The following ECT2 variants were observed in gnomAD, a reference collection of about 807,000 sequenced individuals.
The protein encoded by ECT2 is protein ECT2.
Under a neutral mutation model 116.9 loss-of-function variants are expected in ECT2, and 61 were observed. The ratio of observed to expected loss-of-function variants is 0.52; its 90% CI spans 0.42 to 0.65. The LOEUF (loss-of-function observed/expected upper bound fraction) is 0.65. Among genes scored for constraint, ECT2 ranks in the 30% least tolerant of loss-of-function variants. ECT2 has a pLI of 0.00. For synonymous variants in ECT2, 358 were observed against 346.4 expected, an observed-to-expected ratio of 1.03 and a Z score of -0.37; for missense variants, 937 against 1,078.7, an observed-to-expected ratio of 0.87 and a Z score of 1.84.
intron 4 of ECT2, among the ~76,000 whole-genome samples, chr3:172,756,442 T>C (rs1053336578): frequency 6.6e-6 from 1 of 152,190 alleles, no homozygotes; most frequent in Non-Finnish European, 1.5e-5. Context: ...CTGCTACATA[T>C]TGCACATCTT....
intron 12 of ECT2, among the ~76,000 whole-genome samples, 191 bp downstream of exon 12, chr3:172,764,691 C>A (rs1430470946): frequency 6.6e-6 from 1 of 152,180 alleles, no homozygotes; most frequent in African/African-American, 2.4e-5. Flanking sequence ...TTACTACATG[C>A]TAAATGCTTT....
Position 172,763,012 on chromosome 3 carries a change from G to A in ECT2, c.1068+40G>A, listed in dbSNP as rs202175606. On this transcript the variant is annotated intron_variant, in intron 11 of 24. Transcript: ENST00000392692. ...CCTTACTTATTTGTTCTGTGAGCTT[G>A]ATTGTTTGAAAATAACACTTTTCTG... The A allele has an allele frequency of 3.9e-4, 629 of 1,596,644 alleles. 5 individuals carry two copies. The highest frequency in any genetic ancestry group is 3.7e-5 in the Non-Finnish European group (43 of 1,169,392).
rs777008397 is a variant in ECT2, at chr3:172,784,724, A to G, written c.1746A>G (p.Pro582=). The G allele has an allele frequency of 1.9e-6, 3 of 1,613,620 alleles. No individual in the cohort carries two copies. The Admixed American group carries it at 5.0e-5, about 27-fold the overall frequency. Residue 582 remains proline, a synonymous_variant, in exon 17 of 25, where the codon CCA becomes CCG. Transcript: ENST00000392692. The part of the protein sequence containing the change: ...HAFLKINQAK[P]ECGRQSLVEL... Reference sequence around the variant, plus strand: ...GTTTTCAGATAAACCAAGCAAAACCAGAATGTGGACGGCAGAGCCTTGTTG... The same window carrying G: ...GTTTTCAGATAAACCAAGCAAAACCGGAATGTGGACGGCAGAGCCTTGTTG...
intron 24 of ECT2, chr3:172,818,748 T>G (rs1730218572): frequency 7.8e-7 from 1 of 1,287,030 alleles, no homozygotes; most frequent in Non-Finnish European, 1.0e-6. Flanking sequence ...CCAAGTCATC[T>G]TTGACATTTG....
chr3:172,809,667 T>G (rs1265805724), intron 22 of ECT2, among the ~76,000 whole-genome samples: 1 of 152,108 alleles, frequency 6.6e-6, no homozygotes, highest in East Asian at 1.9e-4. Context: ...TAATTTTTGT[T>G]TTTGGTACCC....
At chr3:172,808,222 G>T (rs185373157) in intron 22 of ECT2, among the ~76,000 whole-genome samples, 1 of 152,042 alleles carries the variant, frequency 6.6e-6, no homozygotes, top group Admixed American at 6.6e-5. Context: ...ATTTTTCATT[G>T]ATACTCTTAG....
chr3:172,777,633 T>C (rs1037159265), intron 14 of ECT2, among the ~76,000 whole-genome samples: 3 of 152,218 alleles, frequency 2.0e-5, no homozygotes, highest in African/African-American at 7.2e-5. Flanking sequence ...GCACAGTGGC[T>C]GATGTCTGTA....
chr3:172,783,727 G>C, intron 15 of ECT2, 72 bp from the exon 16 acceptor site: 3 of 982,222 alleles, frequency 3.1e-6, no homozygotes, highest in South Asian at 2.9e-5. Flanking sequence ...CTAATTATTT[G>C]ACTTTAAGTT....
At chr3:172,757,285 G>C (rs765165586) in intron 5 of ECT2, 120 bp downstream of exon 5, 2 of 673,110 alleles carry the variant, frequency 3.0e-6, no homozygotes, top group Non-Finnish European at 4.6e-6. Context: ...TTTAGAATAG[G>C]AATAATAGTG....
At chr3:172,783,559 T>A (rs1177884547) in intron 15 of ECT2, among the ~76,000 whole-genome samples, 3 of 152,142 alleles carry the variant, frequency 2.0e-5, no homozygotes, top group Non-Finnish European at 4.4e-5. Flanking sequence ...ACATATCTTT[T>A]GTTTTTTTTC....
chr3:172,782,817 T>C (rs979534481), intron 15 of ECT2, among the ~76,000 whole-genome samples: 4 of 152,150 alleles, frequency 2.6e-5, no homozygotes, highest in Admixed American at 2.6e-4. Flanking sequence ...TGTGTTAGTT[T>C]GTTAAGGATG....
At chr3:172,818,431 G>T in intron 24 of ECT2, 2 of 568,772 alleles carry the variant, frequency 3.5e-6, no homozygotes, top group Non-Finnish European at 4.5e-6. Context: ...GAAAATTTTA[G>T]AAAATTAATT....
chr3:172,826,487 G>C, the ECT2 span, among the ~76,000 whole-genome samples: 2 of 152,150 alleles, frequency 1.3e-5, no homozygotes, highest in African/African-American at 4.8e-5. Context: ...TCCTGATGAA[G>C]GTGCTGTGAA....
chr3:172,768,795 T>C (rs1027231138), intron 12 of ECT2, among the ~76,000 whole-genome samples: 3 of 152,204 alleles, frequency 2.0e-5, no homozygotes, highest in Non-Finnish European at 4.4e-5. Context: ...ACAGGCTGTT[T>C]AGTGGAATGC....
At chr3:172,799,540 A>G (rs1485021600) in intron 18 of ECT2, among the ~76,000 whole-genome samples, 3 of 152,216 alleles carry the variant, frequency 2.0e-5, no homozygotes, top group Admixed American at 2.0e-4. Flanking sequence ...ACCTGACCTA[A>G]GAAATCCTTT....
In ECT2 at chr3:172,802,633, A is replaced by G. The variant is rs1298573669; in HGVS notation, c.1925A>G (p.Lys642Arg). The change falls in exon 19 of 25, where the codon AAG (lysine) becomes AGG (arginine). Residue 642 changes from lysine (K) to arginine (R), a missense_variant. By Grantham distance (26) the Lys-to-Arg change is conservative. Transcript: ENST00000392692. ...KEVMTHINEDKRKTEAQKQIF... is the reference protein window; with the variant it reads ...KEVMTHINEDRRKTEAQKQIF... ...TTTTTCAGGCATATTAATGAGGATA[A>G]GAGAAAAACAGAAGCTCAAAAGCAA... is the stretch of plus-strand genomic sequence containing the variant. 1 of 1,593,338 alleles carries G rather than the reference A, an allele frequency of 6.3e-7. No homozygotes were observed. The highest frequency in any genetic ancestry group is 1.7e-5 in the Admixed American group (1 of 58,154).
chr3:172,755,627 A>ATT, intron 4 of ECT2, 52 bp downstream of exon 4: 1 of 966,766 alleles, frequency 1.0e-6, no homozygotes, highest in Non-Finnish European at 1.5e-6. Context: ...CCTTGATTGT[A>ATT]TTATTCTACT....
rs955678735 is a variant in ECT2, at chr3:172,777,355, T to C, written c.1548+3333T>C. On this transcript the variant is annotated intron_variant, in intron 14 of 24. Transcript: ENST00000392692. ...TGTCTAGCATTTAGATTACTTTCGGTAAATGTTTACTAAATGATGGTTGTG... is the reference window on the plus strand; with the variant it reads ...TGTCTAGCATTTAGATTACTTTCGGCAAATGTTTACTAAATGATGGTTGTG... Among the ~76,000 whole-genome samples the C allele has an allele frequency of 2.6e-5, 4 of 152,230 alleles. No homozygotes were observed. In the East Asian group the frequency reaches 7.7e-4, roughly 29 times the overall value.
At chr3:172,814,681 A>G (rs1729385798) in intron 22 of ECT2, among the ~76,000 whole-genome samples, 1 of 152,102 alleles carries the variant, frequency 6.6e-6, no homozygotes, top group Non-Finnish European at 1.5e-5. Context: ...TTTTTAATTG[A>G]CACATAACTA....
Sources: gnomAD v4.1 joint callset for allele counts (sites outside exome capture counted in the v4.1 genomes callset) on GRCh38, gnomAD v4.1.1 for gene constraint, MANE v1.5 for transcripts, NCBI Gene and HGNC (gene_info 2026-07-23, HGNC 2026-07-21) for gene names.